Variants in TENM3 observed in about 807,000 individuals in gnomAD.
The protein encoded by TENM3 is teneurin-3.
Under a neutral mutation model 255.1 loss-of-function variants are expected in TENM3, and 63 were observed. That is an observed-to-expected ratio of 0.25 (90% confidence interval 0.20 to 0.30). TENM3 has a LOEUF of 0.30. TENM3 is among the 10% of genes least tolerant of loss of function. TENM3 has a pLI of 1.00. For missense variants in TENM3, 2,929 were observed against 3,461.1 expected, an observed-to-expected ratio of 0.85 and a Z score of 3.86; for synonymous variants, 1,306 against 1,322.3, an observed-to-expected ratio of 0.99 and a Z score of 0.27.
At chr4:181,477,271 G>A in the TENM3 span, among the ~76,000 whole-genome samples, 2 of 152,216 alleles carry the variant, frequency 1.3e-5, no homozygotes, top group South Asian at 2.1e-4. Context: ...CCTGAAAAGT[G>A]GGGACTTGAA....
the TENM3 span, among the ~76,000 whole-genome samples, chr4:181,513,721 C>A: frequency 2.0e-5 from 3 of 152,196 alleles, no homozygotes; most frequent in African/African-American, 7.2e-5. Context: ...TTCACATTGT[C>A]ATAAAACAGC....
intron 1 of TENM3, among the ~76,000 whole-genome samples, chr4:182,155,919 C>G (rs1417170885): frequency 6.6e-6 from 1 of 151,938 alleles, no homozygotes; most frequent in Non-Finnish European, 1.5e-5. Context: ...CATCTTTCAT[C>G]AGCTCTGTAG....
At chr4:182,161,448 G>A (rs1170381527) in intron 1 of TENM3, among the ~76,000 whole-genome samples, 20 of 138,648 alleles carry the variant, frequency 1.4e-4, no homozygotes, top group African/African-American at 5.1e-4. Flanking sequence ...TTAGCTGGGC[G>A]TGGTGGCGCA....
At chr4:182,563,119 A>G (rs927354796) in intron 3 of TENM3, among the ~76,000 whole-genome samples, 1 of 152,144 alleles carries the variant, frequency 6.6e-6, no homozygotes, top group Non-Finnish European at 1.5e-5. Context: ...GGTTATCTTG[A>G]AAGTTAGGCT....
chr4:181,927,401 C>T, the TENM3 span, among the ~76,000 whole-genome samples: 7 of 152,208 alleles, frequency 4.6e-5, no homozygotes, highest in Non-Finnish European at 8.8e-5. Flanking sequence ...TAAATAAAGC[C>T]GCCAGGGAGT....
the TENM3 span, among the ~76,000 whole-genome samples, chr4:181,557,272 A>T: frequency 2.0e-5 from 3 of 152,170 alleles, no homozygotes; most frequent in African/African-American, 7.2e-5. Flanking sequence ...ATGGGTCACA[A>T]TGTCAGTATT....
At chr4:182,322,147 G>A (rs554102354) in intron 1 of TENM3, among the ~76,000 whole-genome samples, 1 of 152,240 alleles carries the variant, frequency 6.6e-6, no homozygotes, top group Non-Finnish European at 1.5e-5. Flanking sequence ...GGAAGAATTT[G>A]TAAATGTAAT....
intron 3 of TENM3, among the ~76,000 whole-genome samples, chr4:182,536,473 G>C (rs1449283324): frequency 6.6e-6 from 1 of 152,232 alleles, no homozygotes; most frequent in African/African-American, 2.4e-5. Flanking sequence ...GAAATCTTGA[G>C]AGGTTTCTTA....
At chr4:182,009,450 GC>G in the TENM3 span, among the ~76,000 whole-genome samples, 1 of 152,062 alleles carries the variant, frequency 6.6e-6, no homozygotes, top group Non-Finnish European at 1.5e-5. Context: ...CTGCAGATAA[GC>G]CCCACCCACT....
the TENM3 span, among the ~76,000 whole-genome samples, chr4:181,771,776 C>A: frequency 1.3e-5 from 2 of 152,206 alleles, no homozygotes; most frequent in African/African-American, 4.8e-5. Context: ...GTGATGCAGA[C>A]GCTGCCAGTC....
rs980243008 is a variant in TENM3, at chr4:182,244,205, G to A, written c.-76+729G>A. ...CCTGACCTCGTGATCCGCCCGCCTC[G>A]GCCTCCCAAAGTGCTGGGATTACAG... On this transcript the variant is annotated intron_variant, in intron 1 of 27. Transcript: ENST00000511685. Among the ~76,000 whole-genome samples, 3 of 151,754 alleles carry A rather than the reference G, an allele frequency of 2.0e-5. No homozygotes were observed. In the East Asian group the frequency reaches 5.8e-4, roughly 30 times the overall value.
intron 18 of TENM3, among the ~76,000 whole-genome samples, chr4:182,741,134 C>T (rs191219527): frequency 1.6e-3 from 249 of 152,242 alleles, no homozygotes; most frequent in African/African-American, 5.7e-3. Flanking sequence ...CAAGATTGTG[C>T]CACTGCACTC....
intron 12 of TENM3, among the ~76,000 whole-genome samples, chr4:182,705,630 T>A (rs561040158): frequency 6.6e-6 from 1 of 152,296 alleles, no homozygotes; most frequent in Non-Finnish European, 1.5e-5. Context: ...CTTCTCTGTG[T>A]TTATGAGAGT....
intron 1 of TENM3, among the ~76,000 whole-genome samples, chr4:182,259,610 C>A (rs1312927588): frequency 6.6e-6 from 1 of 152,104 alleles, no homozygotes. Flanking sequence ...CACACTCAGC[C>A]TATTTTTTAA....
At chr4:182,173,497 A>G (rs1195083623) in intron 1 of TENM3, among the ~76,000 whole-genome samples, 1 of 152,192 alleles carries the variant, frequency 6.6e-6, no homozygotes, top group African/African-American at 2.4e-5. Flanking sequence ...TTAGGAACCA[A>G]TAAAAAGATG....
At chr4:181,755,466 T>A in the TENM3 span, among the ~76,000 whole-genome samples, 1 of 151,958 alleles carries the variant, frequency 6.6e-6, no homozygotes, top group Admixed American at 6.6e-5. Flanking sequence ...AAGAAGTTTG[T>A]CAAACTTCTT....
In TENM3 at chr4:182,736,916, A is replaced by G. The variant is rs772136408; in HGVS notation, c.3076A>G (p.Ile1026Val). The G allele has an allele frequency of 1.4e-5, 22 of 1,613,868 alleles. No homozygotes were observed. Among genetic ancestry groups the G allele is most frequent in the East Asian group, 2.2e-5 (1 of 44,854 alleles). ...SVLKITMTQS[I>V]IPFNLMKVHL... ...TCTCAAGATCACCATGACCCAGTCT[A>G]TTATTCCATTTAATTTAATGAAGGT... The change falls in exon 17 of 28, where the codon ATT (isoleucine) becomes GTT (valine). Residue 1026 changes from isoleucine to valine, a missense_variant. Ile to Val is a conservative substitution (Grantham distance 29). This residue lies in a region of TENM3 where 1,608 missense variants were observed against 1,884.4 expected (regional missense o/e 0.85). Transcript: ENST00000511685.
At position 182,621,300 on chromosome 4, in the gene TENM3, G is replaced by T. The variant is rs150415604; in HGVS notation, c.750-7351G>T. Among the ~76,000 whole-genome samples the T allele has an allele frequency of 2.3e-3, 346 of 152,094 alleles. 2 individuals are homozygous for T. The highest frequency in any genetic ancestry group is 7.9e-3 in the African/African-American group (329 of 41,492). On this transcript the variant is annotated intron_variant, in intron 4 of 27. Coordinates refer to ENST00000511685, the MANE Select transcript of TENM3 (RefSeq NM_001080477.4). ...TAAAATATAGTGCACAGGTGATTTG[G>T]CTTCTCTTCCCATGTTTTATAGCAT...
intron 3 of TENM3, among the ~76,000 whole-genome samples, chr4:182,568,940 A>C (rs2152006353): frequency 6.6e-6 from 1 of 152,328 alleles, no homozygotes; most frequent in East Asian, 1.9e-4. Flanking sequence ...CACACAGAAA[A>C]CATTTATATG....
Sources: gnomAD v4.1 joint callset for allele counts (sites outside exome capture counted in the v4.1 genomes callset) on GRCh38, gnomAD v4.1.1 for gene constraint, gnomAD v4.1.1 regional missense constraint, MANE v1.5 for transcripts, NCBI Gene and HGNC (gene_info 2026-07-23, HGNC 2026-07-21) for gene names.